The following GNAS-AS1 variants were observed in gnomAD, a reference collection of about 807,000 sequenced individuals.
The protein encoded by GNAS-AS1 is GNAS antisense RNA 1 (non-protein coding).
At chr20:58,821,110 C>T (rs2085483813) in intron 4 of GNAS-AS1, among the ~76,000 whole-genome samples, 1 of 152,246 alleles carries the variant, frequency 6.6e-6, no homozygotes, top group African/African-American at 2.4e-5. Context: ...TGCAATCAGA[C>T]CCCAGTGCCA....
chr20:58,821,734 G>A (rs900829188), intron 4 of GNAS-AS1, among the ~76,000 whole-genome samples: 1 of 152,120 alleles, frequency 6.6e-6, no homozygotes, highest in Admixed American at 6.5e-5. Context: ...AGGAGTTAAG[G>A]CCTAGCTGTG....
intron 4 of GNAS-AS1, chr20:58,839,513 G>T (rs1173875671): frequency 5.0e-6 from 2 of 403,908 alleles, no homozygotes; most frequent in Non-Finnish European, 8.7e-6. Flanking sequence ...TGGACCTGGG[G>T]CTAGCTTGCC....
intron 4 of GNAS-AS1, among the ~76,000 whole-genome samples, chr20:58,835,705 T>C (rs1357798994): frequency 2.6e-5 from 4 of 152,238 alleles, no homozygotes; most frequent in Non-Finnish European, 4.4e-5. Context: ...ATGGCAGGAA[T>C]TGCTCATCCT....
intron 4 of GNAS-AS1, among the ~76,000 whole-genome samples, chr20:58,835,080 T>C (rs922917700): frequency 6.6e-6 from 1 of 150,950 alleles, no homozygotes; most frequent in South Asian, 2.1e-4. Context: ...TACCTGGTCC[T>C]CTCTGGGGAA....
chr20:58,829,621 C>T (rs1179191407), intron 4 of GNAS-AS1, among the ~76,000 whole-genome samples: 2 of 152,206 alleles, frequency 1.3e-5, no homozygotes, highest in Non-Finnish European at 2.9e-5. Context: ...GGAACTGCAC[C>T]ACCCTCTGGC....
chr20:58,821,010 C>G (rs181143348), intron 4 of GNAS-AS1, among the ~76,000 whole-genome samples: 190 of 152,348 alleles, frequency 1.2e-3, no homozygotes, highest in African/African-American at 4.3e-3. Context: ...TCCCCGCTCT[C>G]TTCTTGCCAC....
Position 58,840,692 on chromosome 20 carries a change from C to A in GNAS-AS1, n.819+1245G>T. On this transcript the variant is annotated intron_variant and non_coding_transcript_variant, in intron 4 of 4. Transcript: ENST00000424094. This position sits in a 1 kb window ranked among gnomAD's most constrained non-coding sequence, Gnocchi z 6.0. ...CCCCAGGGAAGGGGAGGAGCTCAAG[C>A]CCGAGGACAAAGATCCAAGGGACCC... The A allele has an allele frequency of 1.2e-6, 2 of 1,604,144 alleles. No individual in the cohort carries two copies. The highest frequency in any genetic ancestry group is 1.7e-6 in the Non-Finnish European group (2 of 1,179,548).
Position 58,840,471 on chromosome 20 carries a change from A to C in GNAS-AS1, n.819+1466T>G. 1.2e-6 allele frequency: 2 copies of C among 1,613,462 alleles called. No individual in the cohort carries two copies. Among genetic ancestry groups the C allele is most frequent in the East Asian group, 4.5e-5 (2 of 44,850 alleles). On this transcript the variant is annotated intron_variant and non_coding_transcript_variant, in intron 4 of 4. Coordinates refer to ENST00000424094, the Ensembl canonical transcript of GNAS-AS1. The surrounding 1 kb of genome is among the most constrained non-coding windows in gnomAD (Gnocchi z 6.0). The stretch of plus-strand genomic sequence containing the variant: ...GAGACCGAGTCCGAAATCGAGTCCG[A>C]GACCGACTTCGAGACCGAGCCTGAG...
intron 4 of GNAS-AS1, among the ~76,000 whole-genome samples, chr20:58,825,071 T>A (rs1220334327): frequency 6.6e-6 from 1 of 152,218 alleles, no homozygotes. Flanking sequence ...ACACGTGAAG[T>A]GGGAGCAAAT....
chr20:58,840,094 T>C lies in GNAS-AS1; in HGVS notation n.819+1843A>G, dbSNP rs770356690. On this transcript the variant is annotated intron_variant and non_coding_transcript_variant, in intron 4 of 4. Coordinates refer to ENST00000424094, the Ensembl canonical transcript of GNAS-AS1. This position sits in a 1 kb window ranked among gnomAD's most constrained non-coding sequence, Gnocchi z 6.0. ...CAGAGGGCAGGCCGGCTTCTCGGTG[T>C]GTGCCTAAGAGGATGGATCGGAGGT... is the stretch of plus-strand genomic sequence containing the variant. 3.4e-5 allele frequency: 54 copies of C among 1,608,314 alleles called. No homozygotes were observed. Among genetic ancestry groups the C allele is most frequent in the Non-Finnish European group, 4.5e-5 (53 of 1,179,338 alleles).
In GNAS-AS1 at chr20:58,850,845, C is replaced by G. The variant is rs573544132; in HGVS notation, n.59G>C. Reference sequence around the variant, plus strand: ...GCCTAGCCGCCATACACCCGCCCCCCACCGGCTTCCAACCACCCCAGCAGC... The same window carrying G: ...GCCTAGCCGCCATACACCCGCCCCCGACCGGCTTCCAACCACCCCAGCAGC... On this transcript the variant is annotated non_coding_transcript_exon_variant, in exon 1 of 5. Transcript: ENST00000424094. 5.3e-5 allele frequency: 21 copies of G among 398,860 alleles called. No individual in the cohort carries two copies. In the East Asian group the frequency reaches 6.8e-4, roughly 13 times the overall value. The allele number at this position is 398,860 out of a possible 1,614,324, so 24.7% of individuals were successfully genotyped here.
In GNAS-AS1 at chr20:58,840,378, C is replaced by T. The variant is rs1293544170; in HGVS notation, n.819+1559G>A. On this transcript the variant is annotated intron_variant and non_coding_transcript_variant, in intron 4 of 4. Coordinates refer to ENST00000424094, the Ensembl canonical transcript of GNAS-AS1. The surrounding 1 kb of genome is among the most constrained non-coding windows in gnomAD (Gnocchi z 6.0). ...GAATCTGACCACGAGCACGAGGAGG[C>T]AGACCTTGAGCTGTCCCTCCCCGAG... 4.3e-6 allele frequency: 7 copies of T among 1,613,416 alleles called. No individual in the cohort carries two copies. In the South Asian group the frequency reaches 4.4e-5, roughly 10 times the overall value.
At chr20:58,826,291 A>G (rs2085519784) in intron 4 of GNAS-AS1, among the ~76,000 whole-genome samples, 1 of 152,234 alleles carries the variant, frequency 6.6e-6, no homozygotes, top group Admixed American at 6.5e-5. Context: ...TGCTGCTGTC[A>G]TGACGGGAGG....
intron 4 of GNAS-AS1, among the ~76,000 whole-genome samples, chr20:58,824,573 C>G (rs977533793): frequency 6.6e-6 from 1 of 152,194 alleles, no homozygotes; most frequent in Non-Finnish European, 1.5e-5. Flanking sequence ...CGAATACGTA[C>G]TTTTAAAATT....
At chr20:58,821,054 A>C (rs921546181) in intron 4 of GNAS-AS1, among the ~76,000 whole-genome samples, 1 of 152,176 alleles carries the variant, frequency 6.6e-6, no homozygotes, top group Non-Finnish European at 1.5e-5. Flanking sequence ...GAGACCTTCA[A>C]GCCAGCAGGG....
rs781674491 is a variant in GNAS-AS1 at position 58,840,451 on chromosome 20, C to G, written n.819+1486G>C. ...TCGACTACGAGACCGAGAGCGAGAC[C>G]GAGTCCGAAATCGAGTCCGAGACCG... On this transcript the variant is annotated intron_variant and non_coding_transcript_variant, in intron 4 of 4. Transcript: ENST00000424094. This position sits in a 1 kb window ranked among gnomAD's most constrained non-coding sequence, Gnocchi z 6.0. 3 of 1,613,288 alleles carry G rather than the reference C, an allele frequency of 1.9e-6. No homozygotes were observed. Among genetic ancestry groups the G allele is most frequent in the Admixed American group, 1.7e-5 (1 of 59,992 alleles).
chr20:58,841,934 T>G lies in GNAS-AS1; in HGVS notation n.819+3A>C. 1.7e-6 allele frequency: 2 copies of G among 1,197,488 alleles called. No individual in the cohort carries two copies. Among genetic ancestry groups the G allele is most frequent in the Non-Finnish European group, 2.1e-6 (2 of 956,712 alleles). 74.2% of individuals were successfully genotyped at this position (1,197,488 alleles called of 1,614,324 possible). ...GGTCGCGTCTAACATCAGGATAACT[T>G]ACAATTCGTTTCCAAAGAGCGCGGT... On this transcript the variant is annotated splice_donor_region_variant and intron_variant and non_coding_transcript_variant, in intron 4 of 4. Transcript: ENST00000424094. The surrounding 1 kb of genome is among the most constrained non-coding windows in gnomAD (Gnocchi z 5.0).
At chr20:58,820,353 G>C (rs1236373466) in intron 4 of GNAS-AS1, among the ~76,000 whole-genome samples, 2 of 152,250 alleles carry the variant, frequency 1.3e-5, no homozygotes, top group South Asian at 2.1e-4. Flanking sequence ...GGTAGACGAA[G>C]GGAGGGAGGC....
At chr20:58,833,273 A>G in intron 4 of GNAS-AS1, among the ~76,000 whole-genome samples, 1 of 152,202 alleles carries the variant, frequency 6.6e-6, no homozygotes, top group East Asian at 1.9e-4. Flanking sequence ...AAGAGCAGGG[A>G]GAGAAGTGAC....
Sources: allele counts gnomAD v4.1 joint callset (sites outside exome capture counted in the v4.1 genomes callset), GRCh38; gene constraint gnomAD v4.1.1; non-coding constraint Gnocchi (gnomAD v3.1); transcripts MANE v1.5; gene names NCBI Gene and HGNC (gene_info 2026-07-23, HGNC 2026-07-21).